The following ZNF418 variants were observed in gnomAD, a reference collection of about 807,000 sequenced individuals.
The protein encoded by ZNF418 is zinc finger protein 418.
Under a neutral mutation model 32.0 loss-of-function variants are expected in ZNF418, and 32 were observed. The ratio of observed to expected loss-of-function variants is 1.00; its 90% CI spans 0.75 to 1.34. ZNF418 has a LOEUF of 1.34. Ranked by LOEUF, ZNF418 falls within the 40% of genes most tolerant of loss-of-function variation. The probability of loss-of-function intolerance (pLI) is 0.00; values close to 1 mark genes in which losing one functional copy is unlikely to be tolerated. For synonymous variants in ZNF418, 276 were observed against 270.7 expected, an observed-to-expected ratio of 1.02 and a Z score of -0.19; for missense variants, 804 against 812.5, an observed-to-expected ratio of 0.99 and a Z score of 0.13.
intron 3 of ZNF418, among the ~76,000 whole-genome samples, chr19:57,929,326 T>C (rs2072384955): frequency 6.6e-6 from 1 of 152,232 alleles, no homozygotes; most frequent in African/African-American, 2.4e-5. Context: ...GTGCCACTCC[T>C]CAGTGACAGG....
chr19:57,926,929 G>A lies in ZNF418; in HGVS notation c.1252C>T (p.Arg418Ter), dbSNP rs572586331. ...SRKGHLRNHQRGHTGERPYEC... is the reference protein window; with the variant it reads ...SRKGHLRNHQ ...TAAGGTCTTTCTCCAGTGTGACCTC[G>A]CTGATGGTTCCTAAGGTGTCCCTTT... Residue 418 changes from arginine (R) to a stop codon, truncating the protein, a stop_gained, in exon 4 of 6, where the codon CGA becomes TGA. Transcript: ENST00000396147. LOFTEE classifies it low-confidence loss of function (END_TRUNC). The A allele has an allele frequency of 1.7e-5, 27 of 1,613,814 alleles. No homozygotes were observed. The highest frequency in any genetic ancestry group is 1.7e-4 in the Middle Eastern group (1 of 6,054).
At position 57,921,978 on chromosome 19, in the gene ZNF418, C is replaced by A. The variant is rs773892875; in HGVS notation, c.*1277G>T. 2 of 152,230 alleles carry A rather than the reference C, an allele frequency of 1.3e-5. No individual in the cohort carries two copies. Among genetic ancestry groups the A allele is most frequent in the Non-Finnish European group, 2.9e-5 (2 of 68,096 alleles). 9.4% of individuals were successfully genotyped at this position (152,230 alleles called of 1,614,324 possible). ...ACCACTATCATTTGAAAGAAGCATGCAGTTTATATAGTATTTTCACTTATC... is the reference window on the plus strand; with the variant it reads ...ACCACTATCATTTGAAAGAAGCATGAAGTTTATATAGTATTTTCACTTATC... On this transcript the variant is annotated 3_prime_UTR_variant, in exon 6 of 6. Coordinates refer to ENST00000396147, the MANE Select transcript of ZNF418 (RefSeq NM_133460.3).
intron 3 of ZNF418, 49 bp from the exon 4 acceptor site, chr19:57,928,096 G>T: frequency 7.0e-7 from 1 of 1,437,200 alleles, no homozygotes; most frequent in Non-Finnish European, 9.4e-7. Context: ...TGGTGGGAAG[G>T]CACAGCCCAC....
Position 57,926,938 on chromosome 19 carries a change from TC to T in ZNF418, c.1242del (p.Asn415ThrfsTer272). On this transcript the variant is annotated frameshift_variant, in exon 4 of 6. Coordinates refer to ENST00000396147, the MANE Select transcript of ZNF418 (RefSeq NM_133460.3). LOFTEE classifies it low-confidence loss of function (END_TRUNC). ...GKSFSRKGHL[R>X]NHQRGHTGER... ...TCTCCAGTGTGACCTCGCTGATGGTTCCTAAGGTGTCCCTTTCGACTAAAAG... is the reference window on the plus strand; with the variant it reads ...TCTCCAGTGTGACCTCGCTGATGGTTCTAAGGTGTCCCTTTCGACTAAAAG... 1 of 1,612,998 alleles carries T rather than the reference TC, an allele frequency of 6.2e-7. No individual in the cohort carries two copies. Among genetic ancestry groups the T allele is most frequent in the Non-Finnish European group, 8.5e-7 (1 of 1,179,732 alleles).
intron 4 of ZNF418, among the ~76,000 whole-genome samples, chr19:57,925,152 T>TA (rs1355180453): frequency 1.3e-5 from 2 of 152,020 alleles, no homozygotes; most frequent in Admixed American, 1.3e-4. Flanking sequence ...GGTTGGAACT[T>TA]AAGAGCCTAA....
Position 57,930,538 on chromosome 19 carries a change from T to G in ZNF418, c.23A>C (p.Glu8Ala). Residue 8 changes from glutamate (E) to alanine (A), a missense_variant, in exon 3 of 6, where the codon GAA (glutamate) becomes GCA (alanine). Physicochemically the swap from Glu to Ala is moderately radical, Grantham distance 107. Transcript: ENST00000396147. MQGTVAF[E>A]DVAVNFSQEE... Reference sequence around the variant, plus strand: ...CTGGGAAAAGTTCACAGCCACATCTTCAAATGCCACAGTGCCCTGCTATGA... The same window carrying G: ...CTGGGAAAAGTTCACAGCCACATCTGCAAATGCCACAGTGCCCTGCTATGA... 6.2e-7 allele frequency: 1 copy of G among 1,614,028 alleles called. No homozygotes were observed. The highest frequency in any genetic ancestry group is 1.3e-5 in the African/African-American group (1 of 75,010).
Position 57,925,949 on chromosome 19 carries a change from G to C in ZNF418, c.*201C>G. On this transcript the variant is annotated 3_prime_UTR_variant, in exon 4 of 6. Coordinates refer to ENST00000396147, the MANE Select transcript of ZNF418 (RefSeq NM_133460.3). ...TTATGAGAACAATCTGTTATCCAAT[G>C]ACAGAAGGCAGAAGGCTTTCTCACA... 1.7e-6 allele frequency: 1 copy of C among 573,084 alleles called. No individual in the cohort carries two copies. Among genetic ancestry groups the C allele is most frequent in the Non-Finnish European group, 3.1e-6 (1 of 323,844 alleles). 35.5% of individuals were successfully genotyped at this position (573,084 alleles called of 1,614,324 possible).
chr19:57,928,867 G>A (rs958265287), intron 3 of ZNF418, among the ~76,000 whole-genome samples: 7 of 152,168 alleles, frequency 4.6e-5, no homozygotes, highest in Admixed American at 2.0e-4. Context: ...GGTGGCGGGC[G>A]CCTGTAGTCT....
intron 2 of ZNF418, chr19:57,932,353 A>G: frequency 7.0e-7 from 1 of 1,419,806 alleles, no homozygotes; most frequent in East Asian, 2.5e-5. Flanking sequence ...TTGGCCTTTC[A>G]TTTTCGGCCT....
intron 3 of ZNF418, 41 bp from the exon 4 acceptor site, chr19:57,928,088 G>A: frequency 1.3e-6 from 2 of 1,490,144 alleles, no homozygotes; most frequent in South Asian, 2.7e-5. Context: ...GTTAACTCTG[G>A]TGGGAAGGCA....
chr19:57,933,787 TACTCATTAATATG>T lies in ZNF418; in HGVS notation c.6+17_6+29del, dbSNP rs1332395515. 1.2e-6 allele frequency: 2 copies of T among 1,613,716 alleles called. No homozygotes were observed. Among genetic ancestry groups the T allele is most frequent in the East Asian group, 4.5e-5 (2 of 44,876 alleles). ...AATCTTGAATCCAGCCACAGCTCCT[TACTCATTAATATG>T]GTCCAGTAACCCTCACCTGCATTAT... On this transcript the variant is annotated intron_variant, in intron 2 of 5. Coordinates refer to ENST00000396147, the MANE Select transcript of ZNF418 (RefSeq NM_133460.3).
At chr19:57,930,756 A>G (rs1178955545) in intron 2 of ZNF418, among the ~76,000 whole-genome samples, 2 of 152,120 alleles carry the variant, frequency 1.3e-5, no homozygotes, top group Non-Finnish European at 2.9e-5. Context: ...AAGTAGGGGA[A>G]AAATAGGGAT....
chr19:57,923,975 G>A (rs565377546), intron 4 of ZNF418, among the ~76,000 whole-genome samples: 1 of 151,542 alleles, frequency 6.6e-6, no homozygotes, highest in Non-Finnish European at 1.5e-5. Context: ...TGGCTTTAAA[G>A]AATTGATTCA....
At position 57,927,906 on chromosome 19, in the gene ZNF418, C is replaced by T; in HGVS notation, c.275G>A (p.Gly92Glu). 1 of 1,614,062 alleles carries T rather than the reference C, an allele frequency of 6.2e-7. No individual in the cohort carries two copies. Among genetic ancestry groups the T allele is most frequent in the East Asian group, 2.2e-5 (1 of 44,860 alleles). Residue 92 changes from glycine to glutamate, a missense_variant, in exon 4 of 6, where the codon GGA (glycine) becomes GAA (glutamate). Transcript: ENST00000396147. The part of the protein sequence containing the change: ...HSCEMCGAIL[G>E]DILHLADHQG... ...ATGATCTGCCAAGTGCAAAATGTCT[C>T]CCAAGATCGCGCCACACATTTCACA...
chr19:57,933,900 T>G lies in ZNF418; in HGVS notation c.-78A>C. On this transcript the variant is annotated splice_region_variant and 5_prime_UTR_variant, in exon 2 of 6. Coordinates refer to ENST00000396147, the MANE Select transcript of ZNF418 (RefSeq NM_133460.3). Reference sequence around the variant, plus strand: ...TGTTCTCTTCTTTGCAGCCAGATGATGCCTGCAGACAAATGGGACTGTGGT... The same window carrying G: ...TGTTCTCTTCTTTGCAGCCAGATGAGGCCTGCAGACAAATGGGACTGTGGT... The G allele has an allele frequency of 6.2e-7, 1 of 1,613,372 alleles. No homozygotes were observed. The highest frequency in any genetic ancestry group is 1.7e-5 in the Admixed American group (1 of 59,986).
intron 2 of ZNF418, among the ~76,000 whole-genome samples, chr19:57,933,305 C>G (rs978544953): frequency 6.6e-6 from 1 of 152,228 alleles, no homozygotes; most frequent in Non-Finnish European, 1.5e-5. Context: ...ACCGACCGGG[C>G]TTGGTGGCTC....
chr19:57,928,242 G>T (rs2072332717), intron 3 of ZNF418, among the ~76,000 whole-genome samples, 195 bp from the exon 4 acceptor site: 2 of 152,134 alleles, frequency 1.3e-5, no homozygotes, highest in African/African-American at 4.8e-5. Context: ...ATGATATGAA[G>T]GGCATTAGCA....
At position 57,935,345 on chromosome 19, in the gene ZNF418, G is replaced by T; in HGVS notation, c.-265C>A. ...TCCAGCGCCTCTCACCTCACAAACC[G>T]CAGAAACACACCCAACATTAACCAA... On this transcript the variant is annotated 5_prime_UTR_variant, in exon 1 of 6. Transcript: ENST00000396147. The T allele has an allele frequency of 3.6e-6, 2 of 555,698 alleles. No individual in the cohort carries two copies. Among genetic ancestry groups the T allele is most frequent in the Non-Finnish European group, 4.8e-6 (2 of 419,784 alleles). 34.4% of individuals were successfully genotyped at this position (555,698 alleles called of 1,614,324 possible).
chr19:57,930,570 C>G lies in ZNF418; in HGVS notation c.7-16G>C. 6.2e-7 allele frequency: 1 copy of G among 1,613,784 alleles called. No homozygotes were observed. The highest frequency in any genetic ancestry group is 8.5e-7 in the Non-Finnish European group (1 of 1,179,850). ...CCACAGTGCCCTGCTATGATGGTGA[C>G]AGATGAAACCACAAACAGCTCCTAT... On this transcript the variant is annotated splice_polypyrimidine_tract_variant and intron_variant, in intron 2 of 5. Coordinates refer to ENST00000396147, the MANE Select transcript of ZNF418 (RefSeq NM_133460.3).
Sources: allele counts gnomAD v4.1 joint callset (sites outside exome capture counted in the v4.1 genomes callset), GRCh38; gene constraint gnomAD v4.1.1; transcripts MANE v1.5; gene names NCBI Gene and HGNC (gene_info 2026-07-23, HGNC 2026-07-21).